KAZN: variants seen among roughly 807,000 people sequenced by gnomAD.
KAZN encodes the protein kazrin, periplakin interacting protein, also known as kazrin.
A neutral mutation model predicts 87.4 loss-of-function variants in KAZN; 40 were observed. The observed-to-expected ratio is 0.46, with a 90% CI of 0.36 to 0.60. KAZN has a LOEUF of 0.60. Among genes scored for constraint, KAZN ranks in the 20% least tolerant of loss-of-function variants. The pLI is 0.00. For missense variants in KAZN, 898 were observed against 1,073.9 expected (o/e 0.84, Z 2.29); for synonymous variants, 466 against 458.3 (o/e 1.02, Z -0.22).
chr1:14,279,938 T>C (rs1051623797), intron 2 of KAZN, among the ~76,000 whole-genome samples: 17 of 152,092 alleles, frequency 1.1e-4, no homozygotes, highest in Non-Finnish European at 2.2e-4. Context: ...CCCACCAGTT[T>C]AGAAGGTGAG....
intron 1 of KAZN, among the ~76,000 whole-genome samples, chr1:13,949,072 G>A (rs1189766262): frequency 6.6e-6 from 1 of 152,120 alleles, no homozygotes; most frequent in Non-Finnish European, 1.5e-5. Flanking sequence ...TCAAACCCAG[G>A]TTTTCTGGAT....
intron 2 of KAZN, among the ~76,000 whole-genome samples, chr1:14,440,405 G>T (rs796742870): frequency 6.6e-6 from 1 of 152,138 alleles, no homozygotes; most frequent in Non-Finnish European, 1.5e-5. Context: ...ATGAAGGATC[G>T]GGCGTGTTCT....
chr1:14,128,836 C>T (rs1260944731), intron 1 of KAZN, among the ~76,000 whole-genome samples: 5 of 152,108 alleles, frequency 3.3e-5, no homozygotes, highest in South Asian at 2.1e-4. Context: ...TTAACCATAG[C>T]GTCAGGAAAT....
At chr1:14,154,169 A>T (rs1033814988) in intron 1 of KAZN, among the ~76,000 whole-genome samples, 1 of 152,038 alleles carries the variant, frequency 6.6e-6, no homozygotes, top group South Asian at 2.1e-4. Context: ...GATCCTCTTC[A>T]ATTTCTTTCG....
At chr1:14,174,023 T>A (rs1338884244) in intron 1 of KAZN, among the ~76,000 whole-genome samples, 1 of 152,142 alleles carries the variant, frequency 6.6e-6, no homozygotes, top group Non-Finnish European at 1.5e-5. Context: ...TAGAAACAAA[T>A]GGGAAAAGGC....
At chr1:14,474,136 A>T (rs2148376116) in intron 2 of KAZN, among the ~76,000 whole-genome samples, 1 of 152,290 alleles carries the variant, frequency 6.6e-6, no homozygotes, top group South Asian at 2.1e-4. Flanking sequence ...AACCTCCTAG[A>T]AGGTAGTGGG....
In KAZN at chr1:14,033,054, C is replaced by G. The variant is rs183065159; in HGVS notation, c.91+139298C>G. Reference sequence around the variant, plus strand: ...CTGCCCTGCTCCTCTGTCTGCCTAACCCTGTACTTGGCACAAAAAGACATT... The same window carrying G: ...CTGCCCTGCTCCTCTGTCTGCCTAAGCCTGTACTTGGCACAAAAAGACATT... On this transcript the variant is annotated intron_variant, in intron 1 of 16. Transcript: ENST00000636203. Among the ~76,000 whole-genome samples, 3 of 152,278 alleles carry G rather than the reference C, an allele frequency of 2.0e-5. No homozygotes were observed. In the East Asian group the frequency reaches 5.8e-4, roughly 29 times the overall value.
chr1:13,988,294 C>T (rs1301908122), intron 1 of KAZN, among the ~76,000 whole-genome samples: 1 of 152,008 alleles, frequency 6.6e-6, no homozygotes, highest in Non-Finnish European at 1.5e-5. Flanking sequence ...ATAAAAATGC[C>T]TATTTCTGCT....
At chr1:14,043,268 T>A (rs1416012451) in intron 1 of KAZN, among the ~76,000 whole-genome samples, 1 of 152,250 alleles carries the variant, frequency 6.6e-6, no homozygotes, top group Non-Finnish European at 1.5e-5. Context: ...TAAGGCTGAA[T>A]GATATTCCAT....
At chr1:15,023,788 G>A (rs918259148) in intron 2 of KAZN, among the ~76,000 whole-genome samples, 8 of 152,042 alleles carry the variant, frequency 5.3e-5, no homozygotes, top group Non-Finnish European at 1.0e-4. Context: ...GACACAGCCC[G>A]GGTGGGTGAG....
intron 3 of KAZN, among the ~76,000 whole-genome samples, chr1:15,036,328 C>T (rs1229064990): frequency 1.3e-4 from 14 of 103,788 alleles, no homozygotes; most frequent in South Asian, 3.2e-4. Context: ...TAGCCTGCCC[C>T]GCCCGGCTCC....
rs189679353 is a variant in KAZN at position 14,884,080 on chromosome 1, T to C, written c.227-76604T>C. Among the ~76,000 whole-genome samples the C allele has an allele frequency of 1.9e-3, 290 of 152,274 alleles. 3 individuals carry two copies. The highest frequency in any genetic ancestry group is 3.2e-4 in the Non-Finnish European group (22 of 68,018). On this transcript the variant is annotated intron_variant, in intron 1 of 14. Coordinates refer to ENST00000376030, the MANE Select transcript of KAZN (RefSeq NM_201628.3). ...GCTGAGAGAAACTACATCACTCATC[T>C]AGGGTCTCACAGCCTATAAATAAGA... is the stretch of plus-strand genomic sequence containing the variant.
intron 1 of KAZN, among the ~76,000 whole-genome samples, chr1:14,634,787 C>G (rs1043913086): frequency 6.6e-6 from 1 of 152,114 alleles, no homozygotes; most frequent in African/African-American, 2.4e-5. Flanking sequence ...ATGCACAGTC[C>G]GTTTTTCTTC....
chr1:14,390,174 T>TA (rs1329451520), intron 2 of KAZN, among the ~76,000 whole-genome samples: 1 of 152,242 alleles, frequency 6.6e-6, no homozygotes, highest in East Asian at 1.9e-4. Flanking sequence ...TAATTGCGAT[T>TA]AATCATGTAT....
rs893154942 is a variant in KAZN, at chr1:14,377,339, G to A, written c.249+196747G>A. On this transcript the variant is annotated intron_variant, in intron 2 of 16. Coordinates refer to the KAZN transcript ENST00000636203. ...AAGGTGCCTTGTAGAAATTGGAGGA[G>A]GCAGGTCCAAGGGGCCACCACATCA... is the stretch of plus-strand genomic sequence containing the variant. 3.3e-5 allele frequency among the ~76,000 whole-genome samples: 5 copies of A among 152,300 alleles called. No individual in the cohort carries two copies. In the East Asian group the frequency reaches 9.7e-4, roughly 29 times the overall value.
chr1:14,270,800 C>A (rs906336060), intron 2 of KAZN, among the ~76,000 whole-genome samples: 1 of 152,110 alleles, frequency 6.6e-6, no homozygotes, highest in Non-Finnish European at 1.5e-5. Flanking sequence ...CCTCATAAGG[C>A]ACTAATATAC....
intron 2 of KAZN, among the ~76,000 whole-genome samples, chr1:14,550,031 CAATT>C (rs1296882421): frequency 1.3e-5 from 2 of 152,202 alleles, no homozygotes; most frequent in Non-Finnish European, 2.9e-5. Flanking sequence ...GTCCCTTCTG[CAATT>C]AATTTAGTTT....
chr1:14,660,809 G>C (rs1486581152), intron 1 of KAZN, among the ~76,000 whole-genome samples: 4 of 152,102 alleles, frequency 2.6e-5, no homozygotes, highest in Non-Finnish European at 5.9e-5. Context: ...ATGACGAACA[G>C]AAAGTGGCTG....
At chr1:14,085,174 C>T (rs888195240) in intron 1 of KAZN, among the ~76,000 whole-genome samples, 2 of 152,184 alleles carry the variant, frequency 1.3e-5, no homozygotes, top group South Asian at 2.1e-4. Flanking sequence ...CTGAGAACCA[C>T]AGTGGTTTGT....
Sources: gnomAD v4.1 joint callset for allele counts (sites outside exome capture counted in the v4.1 genomes callset) on GRCh38, gnomAD v4.1.1 for gene constraint, MANE v1.5 for transcripts, NCBI Gene and HGNC (gene_info 2026-07-23, HGNC 2026-07-21) for gene names.